IGF1R: variants seen among roughly 807,000 people sequenced by gnomAD.
IGF1R encodes insulin like growth factor 1 receptor.
Under a neutral mutation model 144.6 loss-of-function variants are expected in IGF1R, and 44 were observed. The ratio of observed to expected loss-of-function variants is 0.30; its 90% CI spans 0.24 to 0.39. IGF1R has a LOEUF of 0.39. Ranked by LOEUF, IGF1R falls within the 10% of genes least tolerant of loss-of-function variation. The pLI is 1.00. For missense variants in IGF1R, 1,355 were observed against 1,833.7 expected, an observed-to-expected ratio of 0.74 and a Z score of 4.77; for synonymous variants, 795 against 722.8, an observed-to-expected ratio of 1.10 and a Z score of -1.60.
At chr15:98,710,466 A>G (rs1395411562) in intron 2 of IGF1R, among the ~76,000 whole-genome samples, 2 of 152,018 alleles carry the variant, frequency 1.3e-5, no homozygotes. Flanking sequence ...CTTATTGAGT[A>G]CTTGAACTGT....
At chr15:98,823,934 A>G (rs901229254) in intron 2 of IGF1R, among the ~76,000 whole-genome samples, 2 of 152,254 alleles carry the variant, frequency 1.3e-5, no homozygotes, top group Non-Finnish European at 2.9e-5. Flanking sequence ...AAGACTAGAC[A>G]TCCTAAAATT....
chr15:98,787,770 C>T (rs2056032660), intron 2 of IGF1R, among the ~76,000 whole-genome samples: 2 of 152,216 alleles, frequency 1.3e-5, no homozygotes, highest in Admixed American at 6.5e-5. Context: ...ATAGTATCCT[C>T]AACTCAGAAG....
Position 98,648,658 on chromosome 15 carries a change from A to G in IGF1R, c.-924A>G, listed in dbSNP as rs1215733508. On this transcript the variant is annotated 5_prime_UTR_variant, in exon 1 of 21. Transcript: ENST00000650285. ...GAGGAGGAGCGAGCGCACCAGGCGA[A>G]CTCGAGAGAGGCGGGAGAGCGAGAG... Among the ~76,000 whole-genome samples, 1 of 146,358 alleles carries G rather than the reference A, an allele frequency of 6.8e-6. No individual in the cohort carries two copies. Among genetic ancestry groups the G allele is most frequent in the African/African-American group, 2.5e-5 (1 of 40,518 alleles).
chr15:98,959,513 TGGAGGCAGCACAGA>T lies in IGF1R; in HGVS notation c.*2072_*2085del. On this transcript the variant is annotated 3_prime_UTR_variant, in exon 21 of 21. Coordinates refer to ENST00000650285, the MANE Select transcript of IGF1R (RefSeq NM_000875.5). The stretch of plus-strand genomic sequence containing the variant: ...GGGCTGTGCCCGCTGGAGTGCTAGG[TGGAGGCAGCACAGA>T]CGCCACGGTGGCCCAAGAGCCCCTT... 4.3e-6 allele frequency: 1 copy of T among 233,492 alleles called. No homozygotes were observed. Among genetic ancestry groups the T allele is most frequent in the Non-Finnish European group, 8.5e-6 (1 of 118,024 alleles). 14.5% of individuals were successfully genotyped at this position (233,492 alleles called of 1,614,324 possible).
At chr15:98,660,606 A>G (rs1025126937) in intron 1 of IGF1R, 1 of 152,270 alleles carries the variant, frequency 6.6e-6, no homozygotes. Context: ...CTGCTAGCCA[A>G]AACATTTTAT....
At chr15:98,681,297 C>T (rs2053183058) in intron 1 of IGF1R, among the ~76,000 whole-genome samples, 1 of 152,160 alleles carries the variant, frequency 6.6e-6, no homozygotes, top group African/African-American at 2.4e-5. Context: ...GTCTACCTGG[C>T]GCATGACATA....
intron 2 of IGF1R, among the ~76,000 whole-genome samples, chr15:98,716,436 T>C (rs1480019166): frequency 1.3e-5 from 2 of 152,094 alleles, no homozygotes; most frequent in Admixed American, 6.6e-5. Context: ...GGAATCAGGG[T>C]TTAAGAAATT....
At chr15:98,947,324 G>A (rs758786231) in intron 19 of IGF1R, among the ~76,000 whole-genome samples, 2 of 152,166 alleles carry the variant, frequency 1.3e-5, no homozygotes, top group Non-Finnish European at 2.9e-5. Flanking sequence ...CGAATAAAAC[G>A]TTCTCATACA....
intron 1 of IGF1R, among the ~76,000 whole-genome samples, chr15:98,655,377 ACCAT>A (rs1272462103): frequency 6.6e-6 from 1 of 152,174 alleles, no homozygotes; most frequent in Admixed American, 6.5e-5. Context: ...AGTCCCAGAT[ACCAT>A]TTTTGAAGAT....
chr15:98,899,090 A>G (rs1188199074), intron 4 of IGF1R, among the ~76,000 whole-genome samples: 4 of 152,244 alleles, frequency 2.6e-5, no homozygotes, highest in African/African-American at 9.6e-5. Context: ...GATGGAGAAA[A>G]TGTTGATTTA....
chr15:98,780,572 AAAAGAGAG>A (rs67694730), intron 2 of IGF1R, among the ~76,000 whole-genome samples: 49,574 of 78,214 alleles, frequency 0.63, 15,473 homozygotes, highest in Middle Eastern at 0.81. Flanking sequence ...AAAAAAAAAA[AAAAGAGAG>A]AGAGAGTAAA....
At chr15:98,782,905 G>A (rs1331207457) in intron 2 of IGF1R, among the ~76,000 whole-genome samples, 2 of 152,150 alleles carry the variant, frequency 1.3e-5, no homozygotes, top group Non-Finnish European at 2.9e-5. Context: ...AAGCAATGTG[G>A]CTTAAAGATA....
intron 2 of IGF1R, among the ~76,000 whole-genome samples, chr15:98,786,304 A>G (rs553518345): frequency 6.6e-6 from 1 of 152,220 alleles, no homozygotes; most frequent in Non-Finnish European, 1.5e-5. Flanking sequence ...GGCTCATCTA[A>G]TGCAGAGTCA....
At chr15:98,808,787 G>A (rs190998375) in intron 2 of IGF1R, among the ~76,000 whole-genome samples, 4 of 151,098 alleles carry the variant, frequency 2.6e-5, no homozygotes, top group East Asian at 3.9e-4. Flanking sequence ...TCAAGAAATC[G>A]TCCTGTCTCA....
rs2054838585 is a variant in IGF1R, at chr15:98,745,359, C to A, written c.640+37252C>A. 1.3e-5 allele frequency among the ~76,000 whole-genome samples: 2 copies of A among 152,222 alleles called. 1 individual carries two copies. The highest frequency in any genetic ancestry group is 4.1e-4 in the South Asian group (2 of 4,828). On this transcript the variant is annotated intron_variant, in intron 2 of 20. Coordinates refer to ENST00000650285, the MANE Select transcript of IGF1R (RefSeq NM_000875.5). ...CTAAGCACTTCCCCACTAGTGGCCC[C>A]ATGTGGTTGTGTGTCATCGCTGACT... is the stretch of plus-strand genomic sequence containing the variant.
intron 2 of IGF1R, among the ~76,000 whole-genome samples, chr15:98,851,806 T>C (rs1183009916): frequency 6.6e-6 from 1 of 152,228 alleles, no homozygotes; most frequent in African/African-American, 2.4e-5. Flanking sequence ...GTGTAACTGC[T>C]TATTTCTTGT....
At chr15:98,856,251 C>T (rs941451148) in intron 2 of IGF1R, among the ~76,000 whole-genome samples, 1 of 152,234 alleles carries the variant, frequency 6.6e-6, no homozygotes, top group Non-Finnish European at 1.5e-5. Context: ...TAGACGAGGA[C>T]AATCGTAGCC....
At chr15:98,802,849 T>C (rs533227375) in intron 2 of IGF1R, among the ~76,000 whole-genome samples, 2 of 152,350 alleles carry the variant, frequency 1.3e-5, no homozygotes, top group African/African-American at 4.8e-5. Context: ...AGGAAACTTA[T>C]TATGTTTTCC....
At chr15:98,694,747 CT>C (rs772998070) in intron 1 of IGF1R, among the ~76,000 whole-genome samples, 6 of 152,202 alleles carry the variant, frequency 3.9e-5, no homozygotes, top group Non-Finnish European at 8.8e-5. Context: ...TGGAAACTTT[CT>C]TAGCATGAAG....
Sources: allele counts gnomAD v4.1 joint callset (sites outside exome capture counted in the v4.1 genomes callset), GRCh38; gene constraint gnomAD v4.1.1; transcripts MANE v1.5; gene names NCBI Gene and HGNC (gene_info 2026-07-23, HGNC 2026-07-21).